LUZP2: variants seen among roughly 807,000 people sequenced by gnomAD.
LUZP2 encodes the protein leucine zipper protein 2.
A neutral mutation model predicts 51.6 loss-of-function variants in LUZP2; 52 were observed. The ratio of observed to expected loss-of-function variants is 1.01; its 90% CI spans 0.81 to 1.27. The LOEUF (loss-of-function observed/expected upper bound fraction) is 1.27. Ranked by LOEUF, LUZP2 falls within the 50% of genes most tolerant of loss-of-function variation. The probability of loss-of-function intolerance (pLI) is 0.00; values close to 1 mark genes in which losing one functional copy is unlikely to be tolerated. For missense variants in LUZP2, 436 were observed against 395.4 expected, an observed-to-expected ratio of 1.10 and a Z score of -0.87; for synonymous variants, 154 against 137.3, an observed-to-expected ratio of 1.12 and a Z score of -0.85.
intron 9 of LUZP2, among the ~76,000 whole-genome samples, chr11:25,025,486 G>T (rs983505908): frequency 1.3e-5 from 2 of 152,042 alleles, no homozygotes; most frequent in African/African-American, 4.8e-5. Flanking sequence ...TTGGGCAAAG[G>T]ATATGAACAG....
chr11:24,712,025 C>T (rs185111415), intron 1 of LUZP2, among the ~76,000 whole-genome samples: 5 of 152,148 alleles, frequency 3.3e-5, no homozygotes, highest in East Asian at 1.9e-4. Context: ...TATACCATAG[C>T]GTGTTGTCAA....
At chr11:24,958,201 C>T (rs1281775301) in intron 7 of LUZP2, among the ~76,000 whole-genome samples, 8 of 152,022 alleles carry the variant, frequency 5.3e-5, no homozygotes, top group African/African-American at 1.7e-4. Context: ...TGAATAGTGC[C>T]ACAATAAACA....
intron 9 of LUZP2, among the ~76,000 whole-genome samples, chr11:25,026,791 T>G (rs1565248134): frequency 6.6e-6 from 1 of 151,958 alleles, no homozygotes; most frequent in African/African-American, 2.4e-5. Flanking sequence ...ATCCACCCTA[T>G]CTCCGAGAAA....
intron 5 of LUZP2, among the ~76,000 whole-genome samples, chr11:24,792,562 C>T (rs570825468): frequency 1.5e-4 from 23 of 152,010 alleles, no homozygotes; most frequent in African/African-American, 3.6e-4. Flanking sequence ...GAACTTAGTA[C>T]GGCACTGTTA....
At chr11:24,826,092 C>T (rs1850522915) in intron 5 of LUZP2, among the ~76,000 whole-genome samples, 1 of 147,218 alleles carries the variant, frequency 6.8e-6, no homozygotes, top group Non-Finnish European at 1.5e-5. Context: ...AGGAGAATGG[C>T]GTGAACCCGG....
chr11:24,572,843 AATTTT>A (rs145064350), intron 1 of LUZP2, among the ~76,000 whole-genome samples: 1,680 of 152,158 alleles, frequency 0.011, 25 homozygotes, highest in African/African-American at 0.038. Context: ...CTGTGCAGAA[AATTTT>A]ATTTTATTTT....
At chr11:24,578,837 T>C (rs1162253984) in intron 1 of LUZP2, among the ~76,000 whole-genome samples, 1 of 152,102 alleles carries the variant, frequency 6.6e-6, no homozygotes, top group Non-Finnish European at 1.5e-5. Flanking sequence ...CTCAGTACTT[T>C]GGTGACTGGA....
chr11:24,731,966 C>T, intron 2 of LUZP2, 152 bp from the exon 3 acceptor site: 1 of 526,604 alleles, frequency 1.9e-6, no homozygotes, highest in Non-Finnish European at 3.3e-6. Context: ...TTTCTGTTTA[C>T]ATCCTTGGAG....
chr11:24,638,914 C>A (rs1855191376), intron 1 of LUZP2, among the ~76,000 whole-genome samples: 1 of 150,652 alleles, frequency 6.6e-6, no homozygotes, highest in African/African-American at 2.5e-5. Context: ...GATAATTTTC[C>A]CAGAAAAAAA....
intron 9 of LUZP2, among the ~76,000 whole-genome samples, chr11:25,039,697 G>T (rs536095508): frequency 2.5e-4 from 38 of 152,310 alleles, no homozygotes; most frequent in Non-Finnish European, 5.1e-4. Context: ...GGTCCAAAGT[G>T]AGATGAGTAG....
chr11:24,742,050 A>T (rs1256565017), intron 4 of LUZP2, among the ~76,000 whole-genome samples: 3 of 98,546 alleles, frequency 3.0e-5, no homozygotes, highest in East Asian at 5.9e-4. Flanking sequence ...CATAAAAATA[A>T]ATATAATTAT....
intron 5 of LUZP2, among the ~76,000 whole-genome samples, chr11:24,865,017 C>T (rs564366170): frequency 1.3e-5 from 2 of 152,306 alleles, no homozygotes; most frequent in East Asian, 1.9e-4. Context: ...TCTACTTCCT[C>T]TTATTCTACG....
intron 1 of LUZP2, among the ~76,000 whole-genome samples, chr11:24,711,781 C>G (rs1857837232): frequency 6.6e-6 from 1 of 152,136 alleles, no homozygotes; most frequent in Non-Finnish European, 1.5e-5. Flanking sequence ...TGCAGCCCTT[C>G]TCTGCCCTCT....
chr11:24,763,174 T>C, intron 4 of LUZP2, 72 bp from the exon 5 acceptor site: 1 of 708,768 alleles, frequency 1.4e-6, no homozygotes, highest in South Asian at 3.0e-5. Flanking sequence ...TTTCTCAAAA[T>C]AATGAAAAAA....
chr11:24,972,962 T>C lies in LUZP2; in HGVS notation c.523-3629T>C, dbSNP rs190558749. ...CATAAAATGCATTGGGGAGGAGTCC[T>C]TCCTTTTCAACTGTTTGTGATAGTT... On this transcript the variant is annotated intron_variant, in intron 7 of 11. Coordinates refer to ENST00000336930, the MANE Select transcript of LUZP2 (RefSeq NM_001009909.4). Among the ~76,000 whole-genome samples the C allele has an allele frequency of 8.6e-3, 1,310 of 152,076 alleles. 10 individuals carry two copies. Among genetic ancestry groups the C allele is most frequent in the Non-Finnish European group, 0.013 (851 of 67,966 alleles).
At chr11:24,848,194 C>A (rs2134215196) in intron 5 of LUZP2, among the ~76,000 whole-genome samples, 1 of 146,938 alleles carries the variant, frequency 6.8e-6, no homozygotes, top group Admixed American at 6.8e-5. Context: ...CAGTTATATA[C>A]CATTTATTTA....
At chr11:24,822,364 T>C (rs2134160273) in intron 5 of LUZP2, among the ~76,000 whole-genome samples, 1 of 152,286 alleles carries the variant, frequency 6.6e-6, no homozygotes. Context: ...GGTGAACCAC[T>C]CTTAGATTTC....
chr11:24,808,840 G>A (rs1849931743), intron 5 of LUZP2, among the ~76,000 whole-genome samples: 1 of 151,862 alleles, frequency 6.6e-6, no homozygotes, highest in Non-Finnish European at 1.5e-5. Context: ...TCAAGATTAG[G>A]TAACTCATTA....
chr11:25,013,192 G>A (rs186473483), intron 9 of LUZP2, among the ~76,000 whole-genome samples: 27 of 152,204 alleles, frequency 1.8e-4, no homozygotes, highest in East Asian at 1.4e-3. Context: ...GAAGTAGAGC[G>A]TGGACAGATA....
Sources: allele counts gnomAD v4.1 joint callset (sites outside exome capture counted in the v4.1 genomes callset), GRCh38; gene constraint gnomAD v4.1.1; transcripts MANE v1.5; gene names NCBI Gene and HGNC (gene_info 2026-07-23, HGNC 2026-07-21).